Variants in KCNJ3 observed in about 807,000 individuals in gnomAD.
The protein encoded by KCNJ3 is potassium inwardly rectifying channel subfamily J member 3.
A neutral mutation model predicts 39.2 loss-of-function variants in KCNJ3; 4 were observed. The observed-to-expected ratio is 0.10, with a 90% CI of 0.05 to 0.23. The LOEUF (loss-of-function observed/expected upper bound fraction) is 0.23, where lower values mean the gene tolerates loss of function less well. Ranked by LOEUF, KCNJ3 falls within the 10% of genes least tolerant of loss-of-function variation. The probability of loss-of-function intolerance (pLI) is 1.00; values close to 1 mark genes in which losing one functional copy is unlikely to be tolerated. For missense variants in KCNJ3, 276 were observed against 634.9 expected (o/e 0.43, Z 6.08); for synonymous variants, 230 against 237.4 (o/e 0.97, Z 0.29).
intron 2 of KCNJ3, among the ~76,000 whole-genome samples, chr2:154,833,470 C>G (rs1687396409): frequency 6.6e-6 from 1 of 152,300 alleles, no homozygotes; most frequent in East Asian, 1.9e-4. Flanking sequence ...AATCTCTACT[C>G]CAGCTTCTCA....
At chr2:154,850,599 A>G (rs1687743586) in intron 2 of KCNJ3, among the ~76,000 whole-genome samples, 1 of 152,176 alleles carries the variant, frequency 6.6e-6, no homozygotes, top group Non-Finnish European at 1.5e-5. Context: ...TTGATTGCAA[A>G]TTCATAATAT....
chr2:154,845,684 A>G (rs1687652017), intron 2 of KCNJ3, among the ~76,000 whole-genome samples: 2 of 151,998 alleles, frequency 1.3e-5, no homozygotes, highest in African/African-American at 4.8e-5. Context: ...TTGAAAGTGA[A>G]TTTAGGCCAG....
chr2:154,734,729 A>G (rs1019126849), intron 2 of KCNJ3, among the ~76,000 whole-genome samples: 1 of 152,138 alleles, frequency 6.6e-6, no homozygotes, highest in African/African-American at 2.4e-5. Context: ...GAAAGGTCAG[A>G]CTACACATCC....
intron 2 of KCNJ3, among the ~76,000 whole-genome samples, chr2:154,808,678 C>T (rs1291206729): frequency 6.6e-6 from 1 of 152,014 alleles, no homozygotes; most frequent in Admixed American, 6.6e-5. Context: ...ATGGTGGCAT[C>T]CCAAATTTAA....
chr2:154,821,831 A>G (rs1032988783), intron 2 of KCNJ3, among the ~76,000 whole-genome samples: 2 of 151,790 alleles, frequency 1.3e-5, no homozygotes, highest in African/African-American at 4.8e-5. Context: ...AGTAGAGACC[A>G]GGTTTCACTA....
intron 2 of KCNJ3, among the ~76,000 whole-genome samples, chr2:154,811,266 C>T (rs895729892): frequency 3.3e-5 from 5 of 151,982 alleles, no homozygotes; most frequent in Non-Finnish European, 5.9e-5. Context: ...ATATGTCAAA[C>T]GACAGGTTAT....
chr2:154,845,173 C>T (rs1049146061), intron 2 of KCNJ3, among the ~76,000 whole-genome samples: 7 of 152,172 alleles, frequency 4.6e-5, no homozygotes, highest in African/African-American at 1.4e-4. Flanking sequence ...GGCTGGAGTG[C>T]AGTGGCATAA....
chr2:154,720,329 G>A (rs905188238), intron 2 of KCNJ3, among the ~76,000 whole-genome samples: 18 of 151,982 alleles, frequency 1.2e-4, no homozygotes, highest in Admixed American at 1.0e-3. Flanking sequence ...AAGCCTAAGA[G>A]TAGCTCTAGT....
rs2105146142 is a variant in KCNJ3, at chr2:154,858,185, T to C, written c.*2872T>C. 1 of 152,268 alleles carries C rather than the reference T, an allele frequency of 6.6e-6. No individual in the cohort carries two copies. The highest frequency in any genetic ancestry group is 2.1e-4 in the South Asian group (1 of 4,824). The allele number at this position is 152,268 out of a possible 1,614,324, so 9.4% of individuals were successfully genotyped here. A position where few individuals can be genotyped will look rare whatever the true frequency, so the allele number is the denominator to read the frequency against. ...TTCTAGGTTGATCATAGGTCCCAGTTTACCCAGGAAAATTCCAGTTTATAC... is the reference window on the plus strand; with the variant it reads ...TTCTAGGTTGATCATAGGTCCCAGTCTACCCAGGAAAATTCCAGTTTATAC... On this transcript the variant is annotated 3_prime_UTR_variant, in exon 3 of 3. Transcript: ENST00000295101.
chr2:154,709,364 G>C (rs1487812409), intron 1 of KCNJ3: 1 of 523,266 alleles, frequency 1.9e-6, no homozygotes, highest in Non-Finnish European at 3.4e-6. Context: ...CAAAGCTCAT[G>C]AGTTAGGGAA....
At chr2:154,740,669 C>A (rs1685638085) in intron 2 of KCNJ3, among the ~76,000 whole-genome samples, 1 of 151,956 alleles carries the variant, frequency 6.6e-6, no homozygotes. Flanking sequence ...TCTGTTTTAG[C>A]ACTGACTCTC....
intron 2 of KCNJ3, among the ~76,000 whole-genome samples, chr2:154,827,173 T>A (rs1558884253): frequency 6.6e-6 from 1 of 152,292 alleles, no homozygotes; most frequent in Non-Finnish European, 1.5e-5. Context: ...TTCTGATAGT[T>A]TAAAATAAGC....
chr2:154,738,002 T>C lies in KCNJ3; in HGVS notation c.919+28183T>C, dbSNP rs116082798. Among the ~76,000 whole-genome samples, 1,233 of 152,252 alleles carry C rather than the reference T, an allele frequency of 8.1e-3. 12 individuals are homozygous for C. The highest frequency in any genetic ancestry group is 0.028 in the African/African-American group (1,154 of 41,550). ...CGTTAAAATTAGTGATAGTACTCCATTTTGTATATGTACCACATTTTCTTT... is the reference window on the plus strand; with the variant it reads ...CGTTAAAATTAGTGATAGTACTCCACTTTGTATATGTACCACATTTTCTTT... On this transcript the variant is annotated intron_variant, in intron 2 of 2. Coordinates refer to ENST00000295101, the MANE Select transcript of KCNJ3 (RefSeq NM_002239.4).
At chr2:154,787,571 T>G (rs1686554554) in intron 2 of KCNJ3, among the ~76,000 whole-genome samples, 1 of 152,054 alleles carries the variant, frequency 6.6e-6, no homozygotes, top group South Asian at 2.1e-4. Context: ...TACCTCTTCT[T>G]ATTCTTTCTG....
chr2:154,707,214 C>A (rs1370766685), intron 1 of KCNJ3, among the ~76,000 whole-genome samples: 2 of 151,874 alleles, frequency 1.3e-5, no homozygotes, highest in African/African-American at 4.8e-5. Context: ...AATAGGAAGA[C>A]CTGGATAGGA....
chr2:154,767,810 A>G (rs1686161621), intron 2 of KCNJ3, among the ~76,000 whole-genome samples: 1 of 152,202 alleles, frequency 6.6e-6, no homozygotes, highest in Non-Finnish European at 1.5e-5. Context: ...CCAACAGTGT[A>G]TAAATGTTCC....
chr2:154,847,152 C>A (rs2105135904), intron 2 of KCNJ3, among the ~76,000 whole-genome samples: 1 of 152,180 alleles, frequency 6.6e-6, no homozygotes, highest in African/African-American at 2.4e-5. Flanking sequence ...GCTTTGCAAC[C>A]TGTATCTCAA....
At chr2:154,726,173 G>T (rs980165837) in intron 2 of KCNJ3, among the ~76,000 whole-genome samples, 6 of 152,080 alleles carry the variant, frequency 3.9e-5, no homozygotes, top group South Asian at 2.1e-4. Context: ...GGAGTAAACA[G>T]ACAAGTCACA....
At chr2:154,790,714 C>T (rs1056804271) in intron 2 of KCNJ3, among the ~76,000 whole-genome samples, 1 of 151,956 alleles carries the variant, frequency 6.6e-6, no homozygotes, top group Non-Finnish European at 1.5e-5. Flanking sequence ...ATGTAGAAAA[C>T]ATAGGCCACC....
Sources: gnomAD v4.1 joint callset for allele counts (sites outside exome capture counted in the v4.1 genomes callset) on GRCh38, gnomAD v4.1.1 for gene constraint, MANE v1.5 for transcripts, NCBI Gene and HGNC (gene_info 2026-07-23, HGNC 2026-07-21) for gene names.